The following SPON1 variants were observed in gnomAD, a reference collection of about 807,000 sequenced individuals.
SPON1 encodes the protein spondin-1.
In SPON1, 52 loss-of-function variants were observed where a neutral mutation model predicts 111.7. The observed-to-expected ratio is 0.47, with a 90% CI of 0.37 to 0.59. The LOEUF (loss-of-function observed/expected upper bound fraction) is 0.59. Ranked by LOEUF, SPON1 falls within the 20% of genes least tolerant of loss-of-function variation. SPON1 has a pLI of 0.00. For synonymous variants in SPON1, 410 were observed against 395.8 expected (o/e 1.04, Z -0.43); for missense variants, 957 against 1,068.5 (o/e 0.90, Z 1.46).
chr11:14,086,460 A>C (rs554507130), intron 5 of SPON1, among the ~76,000 whole-genome samples: 2 of 152,214 alleles, frequency 1.3e-5, no homozygotes, highest in South Asian at 4.1e-4. Flanking sequence ...ATTGATTTGC[A>C]TATGTTGAAC....
intron 5 of SPON1, among the ~76,000 whole-genome samples, chr11:14,094,167 G>A (rs529828900): frequency 4.1e-4 from 61 of 149,448 alleles, no homozygotes; most frequent in African/African-American, 1.4e-3. Flanking sequence ...AGCCGAGATT[G>A]TACCACTGCA....
At chr11:14,236,338 T>C (rs1040999196) in intron 6 of SPON1, among the ~76,000 whole-genome samples, 3 of 151,910 alleles carry the variant, frequency 2.0e-5, no homozygotes, top group African/African-American at 4.8e-5. Flanking sequence ...GAAAGAGGCA[T>C]CCAGGGTGGA....
At chr11:14,185,433 C>A (rs1848276435) in intron 6 of SPON1, among the ~76,000 whole-genome samples, 2 of 152,184 alleles carry the variant, frequency 1.3e-5, no homozygotes. Context: ...CTCATATAGA[C>A]CTGACCTCTC....
At chr11:14,001,476 G>A (rs1848318533) in intron 2 of SPON1, among the ~76,000 whole-genome samples, 1 of 152,124 alleles carries the variant, frequency 6.6e-6, no homozygotes. Flanking sequence ...TCCGAAGAAA[G>A]AACAATTAGC....
At chr11:14,045,335 C>T (rs536678023) in intron 3 of SPON1, among the ~76,000 whole-genome samples, 20 of 152,164 alleles carry the variant, frequency 1.3e-4, no homozygotes, top group Admixed American at 8.5e-4. Context: ...TTTGGGAGGC[C>T]GAGCCGAGAG....
At chr11:14,090,823 G>GCCCCCCCCCCCCCCCC (rs1360339677) in intron 5 of SPON1, among the ~76,000 whole-genome samples, 2 of 27,054 alleles carry the variant, frequency 7.4e-5, no homozygotes, top group African/African-American at 5.3e-4. Flanking sequence ...TCTCTTATCT[G>GCCCCCCCCCCCCCCCC]GCCCCCCCCC....
chr11:14,037,690 C>A (rs1272028980), intron 2 of SPON1, among the ~76,000 whole-genome samples: 2 of 152,066 alleles, frequency 1.3e-5, no homozygotes, highest in South Asian at 4.1e-4. Flanking sequence ...TTTTTAAGTA[C>A]AACACCAAAA....
chr11:14,221,423 C>G (rs1848679087), intron 6 of SPON1, among the ~76,000 whole-genome samples: 1 of 152,198 alleles, frequency 6.6e-6, no homozygotes, highest in Non-Finnish European at 1.5e-5. Flanking sequence ...AGAACTCAAA[C>G]CTAGGCCTGT....
At chr11:14,185,263 T>G (rs1438291312) in intron 6 of SPON1, among the ~76,000 whole-genome samples, 2 of 152,250 alleles carry the variant, frequency 1.3e-5, no homozygotes, top group African/African-American at 4.8e-5. Context: ...TTATAGCTAT[T>G]GTTCATTACT....
intron 6 of SPON1, among the ~76,000 whole-genome samples, chr11:14,147,153 C>G (rs1847730704): frequency 6.7e-6 from 1 of 149,108 alleles, no homozygotes; most frequent in South Asian, 2.1e-4. Flanking sequence ...TCTCAGCCTC[C>G]TGAGTAGCCG....
At chr11:14,237,176 G>A (rs1205156867) in intron 6 of SPON1, among the ~76,000 whole-genome samples, 1 of 152,212 alleles carries the variant, frequency 6.6e-6, no homozygotes, top group Non-Finnish European at 1.5e-5. Context: ...ACCCAGGCAT[G>A]AAAAAGTTAC....
intron 7 of SPON1, among the ~76,000 whole-genome samples, chr11:14,244,679 T>TC (rs1848968383): frequency 6.9e-6 from 1 of 145,252 alleles, no homozygotes; most frequent in African/African-American, 2.6e-5. Flanking sequence ...GTCCAGGGAG[T>TC]CAAGCAGCAG....
chr11:13,998,903 G>A (rs1200760182), intron 2 of SPON1, among the ~76,000 whole-genome samples: 2 of 152,044 alleles, frequency 1.3e-5, no homozygotes, highest in African/African-American at 4.8e-5. Flanking sequence ...TAACTTTTAT[G>A]CAAAAAAGAA....
At chr11:14,028,507 T>G (rs1002649714) in intron 2 of SPON1, among the ~76,000 whole-genome samples, 24 of 151,994 alleles carry the variant, frequency 1.6e-4, no homozygotes, top group Non-Finnish European at 2.6e-4. Flanking sequence ...AAAAAGAATA[T>G]AGGGTATTTA....
At chr11:14,018,005 T>G (rs1554914468) in intron 2 of SPON1, among the ~76,000 whole-genome samples, 1 of 152,222 alleles carries the variant, frequency 6.6e-6, no homozygotes, top group African/African-American at 2.4e-5. Flanking sequence ...ATCACTTGCC[T>G]GATTAATTAA....
At chr11:14,005,122 G>A (rs1848349192) in intron 2 of SPON1, among the ~76,000 whole-genome samples, 2 of 152,088 alleles carry the variant, frequency 1.3e-5, no homozygotes, top group Admixed American at 6.6e-5. Context: ...ATGAACTGTT[G>A]GTGTGATATC....
At chr11:13,967,046 T>C (rs1318295139) in intron 1 of SPON1, among the ~76,000 whole-genome samples, 2 of 152,228 alleles carry the variant, frequency 1.3e-5, no homozygotes, top group African/African-American at 4.8e-5. Flanking sequence ...TACAGTACTT[T>C]GAGGAAGTTT....
At chr11:14,250,994 G>A (rs1031764541) in intron 7 of SPON1, among the ~76,000 whole-genome samples, 2 of 152,148 alleles carry the variant, frequency 1.3e-5, no homozygotes, top group African/African-American at 2.4e-5. Flanking sequence ...CTATGAGCAC[G>A]GCAGAAATGG....
intron 6 of SPON1, among the ~76,000 whole-genome samples, chr11:14,207,582 CAT>C (rs1400702808): frequency 6.6e-6 from 1 of 152,118 alleles, no homozygotes; most frequent in African/African-American, 2.4e-5. Context: ...CAAAAGAAGA[CAT>C]ATGCGACTAA....
Sources: allele counts gnomAD v4.1 joint callset (sites outside exome capture counted in the v4.1 genomes callset), GRCh38; gene constraint gnomAD v4.1.1; transcripts MANE v1.5; gene names NCBI Gene and HGNC (gene_info 2026-07-23, HGNC 2026-07-21).